RCBTB1: variants seen among roughly 807,000 people sequenced by gnomAD.
RCBTB1 encodes the protein RCC1 and BTB domain containing protein 1.
RCBTB1 carries 46 observed loss-of-function variants against 62.4 expected under a neutral mutation model. That is an observed-to-expected ratio of 0.74 (90% CI 0.58 to 0.94). The LOEUF (loss-of-function observed/expected upper bound fraction) is 0.94, where lower values mean the gene tolerates loss of function less well. Among genes scored for constraint, RCBTB1 ranks in the 40% least tolerant of loss-of-function variants. RCBTB1 has a pLI of 0.00. For synonymous variants in RCBTB1, 222 were observed against 245.8 expected (o/e 0.90, Z 0.91); for missense variants, 565 against 654.9 (o/e 0.86, Z 1.50).
intron 4 of RCBTB1, among the ~76,000 whole-genome samples, chr13:49,564,352 C>A (rs1205881643): frequency 8.1e-5 from 12 of 148,318 alleles, no homozygotes; most frequent in Admixed American, 8.1e-4. Flanking sequence ...TTTGGGAAGC[C>A]AAGGTGGGCG....
Position 49,567,079 on chromosome 13 carries a change from T to C in RCBTB1, c.126+75A>G, listed in dbSNP as rs1335028600. On this transcript the variant is annotated intron_variant, in intron 3 of 12. Coordinates refer to ENST00000378302, the MANE Select transcript of RCBTB1 (RefSeq NM_018191.4). ...TTATTTATACCCCGCCTTTTCTCCA[T>C]CTTTGAACTGGACACTTTGAAGACC... The C allele has an allele frequency of 3.5e-6, 5 of 1,415,650 alleles. No homozygotes were observed. The African/African-American group carries it at 5.7e-5, about 16-fold the overall frequency. The allele number at this position is 1,415,650 out of a possible 1,614,324, so 87.7% of individuals were successfully genotyped here. A position where few individuals can be genotyped will look rare whatever the true frequency, so the allele number is the denominator to read the frequency against.
chr13:49,560,640 CA>C (rs1176511587), intron 4 of RCBTB1, among the ~76,000 whole-genome samples: 1 of 151,056 alleles, frequency 6.6e-6, no homozygotes, highest in Non-Finnish European at 1.5e-5. Flanking sequence ...ATAAAGCAAC[CA>C]TTTTTTTACG....
At chr13:49,559,064 ACTTAACT>A (rs1316186973) in intron 5 of RCBTB1, among the ~76,000 whole-genome samples, 5 of 152,262 alleles carry the variant, frequency 3.3e-5, no homozygotes, top group Non-Finnish European at 7.3e-5. Context: ...TACCATAGGA[ACTTAACT>A]CTTGTTTTTA....
At chr13:49,544,999 C>A in intron 9 of RCBTB1, 136 bp from the exon 10 acceptor site, 4 of 622,032 alleles carry the variant, frequency 6.4e-6, no homozygotes, top group Non-Finnish European at 8.1e-6. Flanking sequence ...CCTTGTTTGA[C>A]AAATCAATTC....
At chr13:49,583,703 C>T (rs1023663914) in intron 1 of RCBTB1, among the ~76,000 whole-genome samples, 2 of 151,986 alleles carry the variant, frequency 1.3e-5, no homozygotes, top group African/African-American at 2.4e-5. Context: ...CACACCACCA[C>T]GCCCAGCTAA....
chr13:49,564,237 G>A (rs779228335), intron 4 of RCBTB1, among the ~76,000 whole-genome samples: 39 of 152,112 alleles, frequency 2.6e-4, no homozygotes, highest in African/African-American at 8.9e-4. Flanking sequence ...AAGATTTCCC[G>A]ATTCAAGATG....
intron 4 of RCBTB1, among the ~76,000 whole-genome samples, chr13:49,564,002 GA>G (rs928253650): frequency 3.9e-5 from 6 of 152,228 alleles, no homozygotes; most frequent in African/African-American, 1.4e-4. Flanking sequence ...CAGAGAAAGA[GA>G]GCAAGAGTTA....
rs1367100936 is a variant in RCBTB1, at chr13:49,544,813, T to G, written c.1096A>C (p.Ser366Arg). Residue 366 changes from serine to arginine, a missense_variant, in exon 10 of 13, where the codon AGT becomes CGT. Ser to Arg is a moderately radical substitution (Grantham distance 110). Transcript: ENST00000378302. ...AACTTCAGATCAGCAGTTTCTGGAC[T>G]ATCAAATTCTTTCTTCAGTGACTCT... The part of the protein sequence containing the change: ...VAESLKKEFD[S>R]PETADLKFRI... 1.2e-6 allele frequency: 2 copies of G among 1,611,602 alleles called. No homozygotes were observed. The highest frequency in any genetic ancestry group is 2.2e-5 in the South Asian group (2 of 91,030).
Position 49,534,039 on chromosome 13 carries a change from A to G in RCBTB1, c.*83T>C, listed in dbSNP as rs894205214. The G allele has an allele frequency of 4.4e-5, 63 of 1,425,928 alleles. No individual in the cohort carries two copies. The highest frequency in any genetic ancestry group is 5.3e-5 in the Non-Finnish European group (56 of 1,053,582). 88.3% of individuals were successfully genotyped at this position (1,425,928 alleles called of 1,614,324 possible). A position where few individuals can be genotyped will look rare whatever the true frequency, so the allele number is the denominator to read the frequency against. On this transcript the variant is annotated 3_prime_UTR_variant, in exon 13 of 13. Coordinates refer to ENST00000378302, the MANE Select transcript of RCBTB1 (RefSeq NM_018191.4). ...AACCTGATGGTCTTTTACCTGCAGA[A>G]TCACATCACCCGTAGAGCACAAACT...
At chr13:49,571,346 CA>C (rs958750575) in intron 2 of RCBTB1, among the ~76,000 whole-genome samples, 7 of 148,480 alleles carry the variant, frequency 4.7e-5, no homozygotes, top group Middle Eastern at 3.4e-3. Flanking sequence ...AACCCCATCT[CA>C]AAAAAAAAAG....
chr13:49,540,798 TG>T, intron 12 of RCBTB1, 77 bp downstream of exon 12: 1 of 1,486,726 alleles, frequency 6.7e-7, no homozygotes, highest in Non-Finnish European at 9.1e-7. Flanking sequence ...TCGTTTTCCA[TG>T]CCTCACGCAA....
At chr13:49,537,333 A>G (rs1960015489) in intron 12 of RCBTB1, among the ~76,000 whole-genome samples, 1 of 152,278 alleles carries the variant, frequency 6.6e-6, no homozygotes, top group Non-Finnish European at 1.5e-5. Flanking sequence ...AATGTACTTA[A>G]ACATTCTACC....
intron 9 of RCBTB1, among the ~76,000 whole-genome samples, chr13:49,545,077 GA>G (rs545523866): frequency 1.3e-3 from 193 of 151,780 alleles, no homozygotes; most frequent in African/African-American, 4.4e-3. Context: ...ATGGTATTTA[GA>G]AAGGCTAAAT....
At chr13:49,552,137 G>C (rs1321340440) in intron 7 of RCBTB1, 41 bp downstream of exon 7, 1 of 1,266,696 alleles carries the variant, frequency 7.9e-7, no homozygotes, top group Non-Finnish European at 1.1e-6. Context: ...GAGCAAGGAA[G>C]GTAGATGGGA....
At position 49,533,888 on chromosome 13, in the gene RCBTB1, T is replaced by A. The variant is rs1484787841; in HGVS notation, c.*234A>T. 1 of 376,704 alleles carries A rather than the reference T, an allele frequency of 2.7e-6. No individual in the cohort carries two copies. The highest frequency in any genetic ancestry group is 4.7e-6 in the Non-Finnish European group (1 of 212,120). The allele number at this position is 376,704 out of a possible 1,614,324, so 23.3% of individuals were successfully genotyped here. On this transcript the variant is annotated 3_prime_UTR_variant, in exon 13 of 13. Transcript: ENST00000378302. ...CCTTTTACATGTTCCAGCCCAAATT[T>A]ACGAAAGGTCACATTTAAAATACAC... is the stretch of plus-strand genomic sequence containing the variant.
intron 4 of RCBTB1, 98 bp downstream of exon 4, chr13:49,566,520 C>A (rs557284862): frequency 1.1e-5 from 13 of 1,172,964 alleles, no homozygotes; most frequent in Non-Finnish European, 1.5e-5. Flanking sequence ...AGCAAACAAT[C>A]CAAAATCAGT....
chr13:49,565,251 G>A (rs1411176564), intron 4 of RCBTB1, among the ~76,000 whole-genome samples: 3 of 152,188 alleles, frequency 2.0e-5, no homozygotes, highest in Non-Finnish European at 2.9e-5. Context: ...TCCTAACCGC[G>A]AGTGATCTGC....
intron 2 of RCBTB1, among the ~76,000 whole-genome samples, chr13:49,573,334 C>T (rs896661981): frequency 3.9e-5 from 6 of 152,082 alleles, no homozygotes; most frequent in African/African-American, 1.4e-4. Context: ...CTGCCATCCC[C>T]ACTTCTTTAG....
At chr13:49,581,951 A>G (rs924024069) in intron 1 of RCBTB1, among the ~76,000 whole-genome samples, 1 of 152,276 alleles carries the variant, frequency 6.6e-6, no homozygotes, top group African/African-American at 2.4e-5. Flanking sequence ...AAAGGAAACC[A>G]TGAGTATAAA....
Sources: allele counts gnomAD v4.1 joint callset (sites outside exome capture counted in the v4.1 genomes callset), GRCh38; gene constraint gnomAD v4.1.1; transcripts MANE v1.5; gene names NCBI Gene and HGNC (gene_info 2026-07-23, HGNC 2026-07-21).